CRISPLD2: variants seen among roughly 807,000 people sequenced by gnomAD.
CRISPLD2 encodes cysteine rich secretory protein LCCL domain containing 2, also known as cysteine-rich secretory protein LCCL domain-containing 2.
Under a neutral mutation model 71.1 loss-of-function variants are expected in CRISPLD2, and 47 were observed. The observed-to-expected ratio is 0.66, with a 90% CI of 0.52 to 0.84. The LOEUF (loss-of-function observed/expected upper bound fraction) is 0.84, where lower values mean the gene tolerates loss of function less well. Ranked by LOEUF, CRISPLD2 falls within the 40% of genes least tolerant of loss-of-function variation. The pLI is 0.00. For synonymous variants in CRISPLD2, 317 were observed against 250.1 expected (o/e 1.27, Z -2.52); for missense variants, 830 against 651.1 (o/e 1.27, Z -2.99).
At chr16:84,838,396 T>G in intron 1 of CRISPLD2, 26 bp from the exon 2 acceptor site, 2 of 1,465,072 alleles carry the variant, frequency 1.4e-6, no homozygotes, top group South Asian at 2.6e-5. Flanking sequence ...ATGCGACTTC[T>G]CCCACCACCC....
intron 1 of CRISPLD2, among the ~76,000 whole-genome samples, chr16:84,833,985 TC>T (rs1451339841): frequency 6.6e-6 from 1 of 152,082 alleles, no homozygotes; most frequent in African/African-American, 2.4e-5. Context: ...GATTTTCACA[TC>T]CAGAGGGAAG....
intron 14 of CRISPLD2, among the ~76,000 whole-genome samples, chr16:84,896,562 A>T (rs541754516): frequency 6.6e-6 from 1 of 152,236 alleles, no homozygotes; most frequent in South Asian, 2.1e-4. Flanking sequence ...TTCCTTGTAA[A>T]ATAGGCCTGT....
chr16:84,839,469 T>C (rs1002755043), intron 2 of CRISPLD2: 5 of 162,130 alleles, frequency 3.1e-5, no homozygotes, highest in African/African-American at 1.2e-4. Context: ...GACTGTGAGA[T>C]AAGTCGAGGC....
chr16:84,828,305 G>A (rs150449591), intron 1 of CRISPLD2: 1 of 152,298 alleles, frequency 6.6e-6, no homozygotes, highest in African/African-American at 2.4e-5. Context: ...CTGGGATTCT[G>A]TCACTGGGCC....
chr16:84,830,825 G>A (rs1263798498), intron 1 of CRISPLD2, among the ~76,000 whole-genome samples: 1 of 152,110 alleles, frequency 6.6e-6, no homozygotes, highest in African/African-American at 2.4e-5. Flanking sequence ...CAGTGTCTAT[G>A]GGATCTGCGT....
chr16:84,902,927 C>T (rs1480520443), intron 14 of CRISPLD2, among the ~76,000 whole-genome samples: 3 of 151,690 alleles, frequency 2.0e-5, no homozygotes, highest in Non-Finnish European at 2.9e-5. Flanking sequence ...TGCCTGCCAC[C>T]ACAGCCAGCT....
chr16:84,882,703 C>T (rs907441812), intron 13 of CRISPLD2, among the ~76,000 whole-genome samples: 2 of 152,216 alleles, frequency 1.3e-5, no homozygotes, highest in Non-Finnish European at 2.9e-5. Flanking sequence ...CTGCACCCAG[C>T]CAGAAGGCTA....
intron 8 of CRISPLD2, among the ~76,000 whole-genome samples, chr16:84,870,301 T>C (rs1326338316): frequency 6.6e-6 from 1 of 152,090 alleles, no homozygotes; most frequent in Non-Finnish European, 1.5e-5. Flanking sequence ...CAGATGAGGC[T>C]AATGCTGCCC....
intron 14 of CRISPLD2, among the ~76,000 whole-genome samples, chr16:84,895,356 G>A (rs1456062034): frequency 1.3e-5 from 2 of 152,122 alleles, no homozygotes; most frequent in African/African-American, 4.8e-5. Context: ...CCCAAGAAGG[G>A]GCCAGGGAGA....
At chr16:84,862,947 A>T (rs1302780350) in intron 6 of CRISPLD2, 1 of 152,070 alleles carries the variant, frequency 6.6e-6, no homozygotes, top group Non-Finnish European at 1.5e-5. Flanking sequence ...TGGAAGAAGG[A>T]GCGATCTGGA....
At chr16:84,894,548 A>G (rs2071689606) in intron 14 of CRISPLD2, among the ~76,000 whole-genome samples, 1 of 152,164 alleles carries the variant, frequency 6.6e-6, no homozygotes, top group South Asian at 2.1e-4. Context: ...CCCTGTCCTC[A>G]TAGGGGTGTG....
At chr16:84,877,373 A>G (rs2071528384) in intron 11 of CRISPLD2, 65 bp from the exon 12 acceptor site, 6 of 1,472,370 alleles carry the variant, frequency 4.1e-6, no homozygotes, top group Non-Finnish European at 5.7e-6. Context: ...CCCATTGCAC[A>G]GCCTGGTAGC....
At chr16:84,868,826 A>G (rs1402405628) in intron 7 of CRISPLD2, 25 bp from the exon 8 acceptor site, 5 of 1,605,690 alleles carry the variant, frequency 3.1e-6, no homozygotes, top group African/African-American at 2.7e-5. Context: ...GTGCCGTGAC[A>G]TGTATTCCCG....
chr16:84,827,519 C>T (rs548618883), intron 1 of CRISPLD2, among the ~76,000 whole-genome samples: 1 of 151,898 alleles, frequency 6.6e-6, no homozygotes, highest in Non-Finnish European at 1.5e-5. Context: ...CCCTTCTGAG[C>T]CTTTGTCCTT....
chr16:84,838,817 T>A, intron 2 of CRISPLD2, 82 bp downstream of exon 2: 1 of 1,523,610 alleles, frequency 6.6e-7, no homozygotes, highest in Non-Finnish European at 8.8e-7. Context: ...CAGCCAGCTC[T>A]GTTCCCCAGC....
chr16:84,833,451 T>C (rs368429873), intron 1 of CRISPLD2, among the ~76,000 whole-genome samples: 1 of 152,234 alleles, frequency 6.6e-6, no homozygotes, highest in African/African-American at 2.4e-5. Context: ...TCATTATCAA[T>C]GAGTGGCTGA....
chr16:84,901,013 GCACA>G (rs3222775), intron 14 of CRISPLD2, among the ~76,000 whole-genome samples: 21,678 of 139,944 alleles, frequency 0.15, 2,294 homozygotes, highest in East Asian at 0.47. Flanking sequence ...TGGTGTCACT[GCACA>G]CACACACACA....
intron 1 of CRISPLD2, among the ~76,000 whole-genome samples, chr16:84,820,922 C>G (rs1916216692): frequency 6.6e-6 from 1 of 152,180 alleles, no homozygotes; most frequent in African/African-American, 2.4e-5. Context: ...CAGGGCTAGT[C>G]CCTCATGTGC....
At chr16:84,821,148 C>G (rs1916221397) in intron 1 of CRISPLD2, among the ~76,000 whole-genome samples, 1 of 152,186 alleles carries the variant, frequency 6.6e-6, no homozygotes, top group Non-Finnish European at 1.5e-5. Flanking sequence ...CTTTGGACCT[C>G]TTGCCCTGGT....
Sources: allele counts gnomAD v4.1 joint callset (sites outside exome capture counted in the v4.1 genomes callset), GRCh38; gene constraint gnomAD v4.1.1; transcripts MANE v1.5; gene names NCBI Gene and HGNC (gene_info 2026-07-23, HGNC 2026-07-21).